The following GALNTL6 variants were observed in gnomAD, a reference collection of about 807,000 sequenced individuals.
GALNTL6 encodes the protein polypeptide N-acetylgalactosaminyltransferase like 6, also known as polypeptide N-acetylgalactosaminyltransferase-like 6.
Under a neutral mutation model 73.7 loss-of-function variants are expected in GALNTL6, and 46 were observed. The ratio of observed to expected loss-of-function variants is 0.62; its 90% confidence interval spans 0.49 to 0.80. The LOEUF is 0.80. Ranked by LOEUF, GALNTL6 falls within the 30% of genes least tolerant of loss-of-function variation. GALNTL6 has a pLI of 0.00. For synonymous variants in GALNTL6, 259 were observed against 263.7 expected (o/e 0.98, Z 0.17); for missense variants, 604 against 755.0 (o/e 0.80, Z 2.34).
At chr4:172,110,312 A>T (rs1732815957) in intron 2 of GALNTL6, among the ~76,000 whole-genome samples, 2 of 152,212 alleles carry the variant, frequency 1.3e-5, no homozygotes, top group African/African-American at 4.8e-5. Flanking sequence ...ATATGAGATA[A>T]GGAAATAAAA....
At chr4:172,531,270 G>A (rs1176440347) in intron 5 of GALNTL6, among the ~76,000 whole-genome samples, 1 of 152,156 alleles carries the variant, frequency 6.6e-6, no homozygotes, top group East Asian at 1.9e-4. Context: ...AAGAGTAAAT[G>A]AAAAGGCTTA....
At chr4:172,633,122 A>C (rs1168967740) in intron 5 of GALNTL6, among the ~76,000 whole-genome samples, 1 of 152,182 alleles carries the variant, frequency 6.6e-6, no homozygotes, top group Non-Finnish European at 1.5e-5. Flanking sequence ...TGTGGGGTTG[A>C]AGCCCCCACA....
At chr4:172,639,545 T>G (rs933187252) in intron 5 of GALNTL6, among the ~76,000 whole-genome samples, 1 of 152,154 alleles carries the variant, frequency 6.6e-6, no homozygotes, top group Non-Finnish European at 1.5e-5. Flanking sequence ...CAAACAATGT[T>G]CATTACCCCT....
In GALNTL6 at chr4:172,952,089, A is replaced by G; in HGVS notation, c.1202A>G (p.Tyr401Cys). 3 of 1,614,126 alleles carry G rather than the reference A, an allele frequency of 1.9e-6. No homozygotes were observed. The South Asian group carries it at 3.3e-5, about 18-fold the overall frequency. Residue 401 changes from tyrosine (Y) to cysteine (C), a missense_variant, in exon 10 of 13, where the codon TAC (tyrosine) becomes TGC (cysteine). By Grantham distance (194) the Tyr-to-Cys change is radical. This residue lies in a region of GALNTL6 where 261 missense variants were observed against 296.5 expected (regional missense o/e 0.88). Coordinates refer to ENST00000506823, the MANE Select transcript of GALNTL6 (RefSeq NM_001034845.3). ...ATGGATGAATTTGCCGAGTACATTT[A>G]CCAGCGGCGGCCGGAGTACAGGCAT... ...TWMDEFAEYI[Y>C]QRRPEYRHLS...
At chr4:172,356,320 G>A (rs1249668853) in intron 5 of GALNTL6, among the ~76,000 whole-genome samples, 1 of 152,092 alleles carries the variant, frequency 6.6e-6, no homozygotes, top group African/African-American at 2.4e-5. Context: ...AAAAGGTTAT[G>A]TTTTATGACT....
At chr4:172,723,699 A>G (rs1236979953) in intron 5 of GALNTL6, among the ~76,000 whole-genome samples, 7 of 152,164 alleles carry the variant, frequency 4.6e-5, no homozygotes, top group Non-Finnish European at 1.0e-4. Flanking sequence ...GCAGATGCCA[A>G]GTAACAATCA....
intron 5 of GALNTL6, among the ~76,000 whole-genome samples, chr4:172,548,312 G>A (rs191084829): frequency 2.6e-5 from 4 of 152,258 alleles, no homozygotes; most frequent in African/African-American, 9.6e-5. Context: ...ACCACTCCAG[G>A]TGATATGTGG....
chr4:172,503,731 A>T (rs1298876818), intron 5 of GALNTL6, among the ~76,000 whole-genome samples: 1 of 152,016 alleles, frequency 6.6e-6, no homozygotes, highest in South Asian at 2.1e-4. Flanking sequence ...AACCAAAAAA[A>T]AAAGTAATAT....
chr4:172,620,330 C>G (rs1579251149), intron 5 of GALNTL6, among the ~76,000 whole-genome samples: 1 of 152,056 alleles, frequency 6.6e-6, no homozygotes, highest in East Asian at 1.9e-4. Flanking sequence ...TTAAACAGGT[C>G]AAACTTGGAG....
chr4:172,193,894 A>G (rs1353734252), intron 2 of GALNTL6, among the ~76,000 whole-genome samples: 1 of 152,048 alleles, frequency 6.6e-6, no homozygotes, highest in Non-Finnish European at 1.5e-5. Context: ...TAATCAACAA[A>G]AAAATGCCAA....
rs1179256599 is a variant in GALNTL6, at chr4:172,912,464, A to T, written c.1042-18697A>T. Among the ~76,000 whole-genome samples the T allele has an allele frequency of 7.2e-5, 11 of 152,316 alleles. No individual in the cohort carries two copies. The East Asian group carries it at 2.1e-3, about 29-fold the overall frequency. On this transcript the variant is annotated intron_variant, in intron 8 of 12. Transcript: ENST00000506823. ...AAGAGGTCAGGGAATTCCCTTTCCT[A>T]GACAAGGGAAGCCATGACAGACGGT...
intron 2 of GALNTL6, among the ~76,000 whole-genome samples, chr4:171,933,678 G>T (rs1738255020): frequency 6.6e-6 from 1 of 151,988 alleles, no homozygotes; most frequent in South Asian, 2.1e-4. Flanking sequence ...ATTATGATTG[G>T]AGATAAAATG....
intron 7 of GALNTL6, among the ~76,000 whole-genome samples, chr4:172,854,556 C>G (rs545482204): frequency 6.6e-6 from 1 of 152,216 alleles, no homozygotes; most frequent in South Asian, 2.1e-4. Flanking sequence ...TTTCAACACC[C>G]TATACTCATC....
At chr4:172,496,768 G>C (rs1291149826) in intron 5 of GALNTL6, among the ~76,000 whole-genome samples, 1 of 152,144 alleles carries the variant, frequency 6.6e-6, no homozygotes, top group African/African-American at 2.4e-5. Flanking sequence ...TAGCGATACT[G>C]GTGAACTCTT....
At chr4:172,699,036 G>A (rs1339803787) in intron 5 of GALNTL6, among the ~76,000 whole-genome samples, 3 of 152,012 alleles carry the variant, frequency 2.0e-5, no homozygotes, top group Admixed American at 1.3e-4. Flanking sequence ...TGGCAGATTC[G>A]GTGTTTAGAG....
intron 2 of GALNTL6, among the ~76,000 whole-genome samples, chr4:171,952,113 G>A (rs1738902217): frequency 6.6e-6 from 1 of 151,932 alleles, no homozygotes; most frequent in African/African-American, 2.4e-5. Context: ...TAAAAGTATT[G>A]GAATGGAGAT....
At chr4:172,748,060 A>T (rs1446377210) in intron 5 of GALNTL6, among the ~76,000 whole-genome samples, 3 of 152,224 alleles carry the variant, frequency 2.0e-5, no homozygotes, top group Non-Finnish European at 2.9e-5. Context: ...AGATTAATTG[A>T]TATAAGCAAG....
chr4:171,940,088 T>G (rs1471834459), intron 2 of GALNTL6, among the ~76,000 whole-genome samples: 1 of 152,188 alleles, frequency 6.6e-6, no homozygotes, highest in Non-Finnish European at 1.5e-5. Context: ...AAAATAGAGT[T>G]GATTTCATCT....
chr4:172,136,768 ATGAG>A (rs1405301771), intron 2 of GALNTL6, among the ~76,000 whole-genome samples: 2 of 152,036 alleles, frequency 1.3e-5, no homozygotes, highest in Admixed American at 1.3e-4. Context: ...TGACTATAGA[ATGAG>A]TAAGATCATT....
Sources: allele counts gnomAD v4.1 joint callset (sites outside exome capture counted in the v4.1 genomes callset), GRCh38; gene constraint gnomAD v4.1.1; regional missense constraint gnomAD v4.1.1; transcripts MANE v1.5; gene names NCBI Gene and HGNC (gene_info 2026-07-23, HGNC 2026-07-21).